The following HAUS6 variants were observed in gnomAD, a reference collection of about 807,000 sequenced individuals.
HAUS6 encodes the protein HAUS augmin like complex subunit 6.
HAUS6 carries 80 observed loss-of-function variants against 106.8 expected under a neutral mutation model. The observed-to-expected ratio is 0.75, with a 90% CI of 0.63 to 0.90. HAUS6 has a LOEUF of 0.90. Among genes scored for constraint, HAUS6 ranks in the 40% least tolerant of loss-of-function variants. The probability of loss-of-function intolerance (pLI) is 0.00; values close to 1 mark genes in which losing one functional copy is unlikely to be tolerated. For synonymous variants in HAUS6, 356 were observed against 379.1 expected, an observed-to-expected ratio of 0.94 and a Z score of 0.71; for missense variants, 1,155 against 1,118.1, an observed-to-expected ratio of 1.03 and a Z score of -0.47.
At chr9:19,059,787 G>A (rs1448329927) in intron 15 of HAUS6, among the ~76,000 whole-genome samples, 2 of 152,114 alleles carry the variant, frequency 1.3e-5, no homozygotes, top group Non-Finnish European at 1.5e-5. Flanking sequence ...GTCAGACCAG[G>A]AGGCAAGAGA....
chr9:19,064,186 C>A (rs576819670), intron 12 of HAUS6, among the ~76,000 whole-genome samples: 1 of 152,238 alleles, frequency 6.6e-6, no homozygotes, highest in South Asian at 2.1e-4. Context: ...AGGCTGGTCT[C>A]AAACTCCCGA....
intron 2 of HAUS6, among the ~76,000 whole-genome samples, chr9:19,094,664 C>A (rs931109584): frequency 1.3e-5 from 2 of 151,938 alleles, no homozygotes; most frequent in Non-Finnish European, 1.5e-5. Flanking sequence ...TAGTGGTGTG[C>A]GCCTATAGCC....
intron 12 of HAUS6, among the ~76,000 whole-genome samples, chr9:19,064,699 T>G (rs10811107): frequency 0.46 from 69,486 of 152,062 alleles, 17,274 homozygotes; most frequent in African/African-American, 0.67. Flanking sequence ...TTTTATATCA[T>G]AGTAAATGTA....
intron 11 of HAUS6, among the ~76,000 whole-genome samples, chr9:19,075,612 C>T (rs1207129959): frequency 6.6e-6 from 1 of 151,892 alleles, no homozygotes; most frequent in Non-Finnish European, 1.5e-5. Context: ...TATTATATGA[C>T]TTCATTTATA....
intron 4 of HAUS6, among the ~76,000 whole-genome samples, chr9:19,091,498 T>C (rs1359456033): frequency 6.6e-6 from 1 of 152,044 alleles, no homozygotes; most frequent in East Asian, 1.9e-4. Context: ...TTGTATTACA[T>C]GTAATTGGGG....
Position 19,087,129 on chromosome 9 carries a change from C to G in HAUS6, c.612G>C (p.Leu204Phe), listed in dbSNP as rs1837316047. Residue 204 changes from leucine to phenylalanine, a missense_variant, in exon 6 of 17, where the codon TTG (leucine) becomes TTC (phenylalanine). Around this residue, in one of 3 missense-constraint regions of HAUS6, gnomAD observed 761 missense variants for 690.0 expected, o/e 1.10. Transcript: ENST00000380502. ...TTTCCAATCCTATACATTCAGATCT[C>G]AAGTTTCGTACCTGCTTAACTGATA... is the stretch of plus-strand genomic sequence containing the variant. ...AQLSVKQVRNLRSECIGLENQ... is the reference protein window; with the variant it reads ...AQLSVKQVRNFRSECIGLENQ... 7 of 1,541,080 alleles carry G rather than the reference C, an allele frequency of 4.5e-6. No individual in the cohort carries two copies. Among genetic ancestry groups the G allele is most frequent in the Non-Finnish European group, 6.3e-6 (7 of 1,114,186 alleles).
At position 19,058,699 on chromosome 9, in the gene HAUS6, T is replaced by G. The variant is rs757394902; in HGVS notation, c.2068A>C (p.Lys690Gln). ...TQNQSDLLNK[K>Q]VICKQDLECL... ...TCCAAATCTTGCTTGCAAATTACTT[T>G]CTTATTTAACAAATCTGACTGATTT... is the stretch of plus-strand genomic sequence containing the variant. The change falls in exon 16 of 17, where the codon AAA becomes CAA. Residue 690 changes from lysine to glutamine, a missense_variant. Transcript: ENST00000380502. 14 of 1,613,588 alleles carry G rather than the reference T, an allele frequency of 8.7e-6. No individual in the cohort carries two copies. In the Middle Eastern group the frequency reaches 6.6e-4, roughly 76 times the overall value.
Position 19,053,993 on chromosome 9 carries a change from T to A in HAUS6, c.*2350A>T, listed in dbSNP as rs1836415814. ...ATCAATTCGTGGGATATTAAATGAA[T>A]AAAAAGATAAACCATAGGAGATTTC... On this transcript the variant is annotated 3_prime_UTR_variant, in exon 17 of 17. Transcript: ENST00000380502. The A allele has an allele frequency of 6.6e-6, 1 of 152,038 alleles. No homozygotes were observed. The highest frequency in any genetic ancestry group is 1.5e-5 in the Non-Finnish European group (1 of 68,002). The allele number at this position is 152,038 out of a possible 1,614,324, so 9.4% of individuals were successfully genotyped here. A position where few individuals can be genotyped will look rare whatever the true frequency, so the allele number is the denominator to read the frequency against.
At chr9:19,074,570 C>G (rs976917592) in intron 11 of HAUS6, among the ~76,000 whole-genome samples, 2 of 152,092 alleles carry the variant, frequency 1.3e-5, no homozygotes, top group Non-Finnish European at 2.9e-5. Flanking sequence ...CTATGCCCAG[C>G]CCTATGCAGA....
chr9:19,061,669 T>C (rs529094421), intron 14 of HAUS6, among the ~76,000 whole-genome samples: 1 of 152,234 alleles, frequency 6.6e-6, no homozygotes, highest in East Asian at 1.9e-4. Context: ...TTCCCAACTC[T>C]ACAAAAAATA....
At chr9:19,067,748 G>A (rs1836793035) in intron 12 of HAUS6, among the ~76,000 whole-genome samples, 1 of 152,024 alleles carries the variant, frequency 6.6e-6, no homozygotes, top group African/African-American at 2.4e-5. Context: ...GAGTGCAATG[G>A]TGCAACCTCG....
At chr9:19,085,755 T>C (rs1837275474) in intron 7 of HAUS6, among the ~76,000 whole-genome samples, 3 of 152,284 alleles carry the variant, frequency 2.0e-5, no homozygotes, top group Middle Eastern at 3.4e-3. Context: ...TTTCCTTTCA[T>C]ACTTAACATC....
chr9:19,087,633 T>C (rs371896877), intron 5 of HAUS6, among the ~76,000 whole-genome samples: 5 of 152,110 alleles, frequency 3.3e-5, no homozygotes, highest in Non-Finnish European at 5.9e-5. Context: ...GGCAGGAATG[T>C]GGCTTCAGGC....
At chr9:19,073,921 A>AT (rs1327266097) in intron 11 of HAUS6, 1 of 152,110 alleles carries the variant, frequency 6.6e-6, no homozygotes, top group African/African-American at 2.4e-5. Flanking sequence ...CATAACACTA[A>AT]TTTTTAATTT....
At chr9:19,087,043 G>C (rs369984801) in intron 6 of HAUS6, 48 bp downstream of exon 6, 25 of 860,076 alleles carry the variant, frequency 2.9e-5, no homozygotes, top group Admixed American at 7.3e-5. Context: ...TAAAATGCAA[G>C]AGCTAAACTA....
At chr9:19,079,728 C>G (rs941156987) in intron 9 of HAUS6, among the ~76,000 whole-genome samples, 1 of 148,546 alleles carries the variant, frequency 6.7e-6, no homozygotes, top group Non-Finnish European at 1.5e-5. Context: ...CATGGTGAAA[C>G]CCCATCCCTA....
At position 19,053,831 on chromosome 9, in the gene HAUS6, T is replaced by A. The variant is rs1408248882; in HGVS notation, c.*2512A>T. The A allele has an allele frequency of 6.6e-6, 1 of 152,114 alleles. No homozygotes were observed. Among genetic ancestry groups the A allele is most frequent in the Non-Finnish European group, 1.5e-5 (1 of 67,998 alleles). The allele number at this position is 152,114 out of a possible 1,614,324, so 9.4% of individuals were successfully genotyped here. A position where few individuals can be genotyped will look rare whatever the true frequency, so the allele number is the denominator to read the frequency against. Reference sequence around the variant, plus strand: ...CTTAAATATTGATAAAGATGACACATGGCCTTGGGGTATATGTATGTGTGT... The same window carrying A: ...CTTAAATATTGATAAAGATGACACAAGGCCTTGGGGTATATGTATGTGTGT... On this transcript the variant is annotated 3_prime_UTR_variant, in exon 17 of 17. Coordinates refer to ENST00000380502, the MANE Select transcript of HAUS6 (RefSeq NM_017645.5).
intron 12 of HAUS6, chr9:19,063,845 A>G: frequency 1.6e-6 from 1 of 631,586 alleles, no homozygotes; most frequent in Non-Finnish European, 3.0e-6. Context: ...TGAAAGAGTT[A>G]AGTGACTTAA....
intron 14 of HAUS6, 36 bp downstream of exon 14, chr9:19,062,972 T>G: frequency 1.4e-5 from 21 of 1,472,186 alleles, no homozygotes; most frequent in Non-Finnish European, 1.8e-5. Context: ...ATCCAATAAC[T>G]GATATTTAAG....
Sources: gnomAD v4.1 joint callset for allele counts (sites outside exome capture counted in the v4.1 genomes callset) on GRCh38, gnomAD v4.1.1 for gene constraint, gnomAD v4.1.1 regional missense constraint, MANE v1.5 for transcripts, NCBI Gene and HGNC (gene_info 2026-07-23, HGNC 2026-07-21) for gene names.